PHF3: variants seen among roughly 807,000 people sequenced by gnomAD.
PHF3 encodes the protein PHD finger protein 3.
PHF3 carries 41 observed loss-of-function variants against 178.4 expected under a neutral mutation model. The ratio of observed to expected loss-of-function variants is 0.23; its 90% CI spans 0.18 to 0.30. The LOEUF (loss-of-function observed/expected upper bound fraction) is 0.30, where lower values mean the gene tolerates loss of function less well. PHF3 is among the 10% of genes least tolerant of loss of function. The probability of loss-of-function intolerance (pLI) is 1.00; values close to 1 mark genes in which losing one functional copy is unlikely to be tolerated. For synonymous variants in PHF3, 842 were observed against 800.5 expected (o/e 1.05, Z -0.88); for missense variants, 2,346 against 2,398.1 (o/e 0.98, Z 0.45).
Position 63,674,701 on chromosome 6 carries a change from A to G in PHF3, c.245-5299A>G, listed in dbSNP as rs561268279. ...TTACTATACTTAACACAGCCCCTAT[A>G]AAGTAGATATCTATTCTTTATTGTT... On this transcript the variant is annotated intron_variant, in intron 2 of 15. Coordinates refer to ENST00000262043, the MANE Select transcript of PHF3 (RefSeq NM_001370348.2). 7.9e-5 allele frequency among the ~76,000 whole-genome samples: 12 copies of G among 152,264 alleles called. No homozygotes were observed. In the East Asian group the frequency reaches 1.6e-3, roughly 20 times the overall value.
Position 63,645,029 on chromosome 6 carries a change from C to T in PHF3, c.-25-1498C>T, listed in dbSNP as rs138842787. On this transcript the variant is annotated intron_variant, in intron 1 of 15. Coordinates refer to ENST00000262043, the MANE Select transcript of PHF3 (RefSeq NM_001370348.2). ...CCGAGTGACTGGGTCTACAGGCACA[C>T]GTCACCACACCTGGCTAATTTTTGT... Among the ~76,000 whole-genome samples the T allele has an allele frequency of 1.2e-3, 186 of 151,562 alleles. 2 individuals are homozygous for T. The highest frequency in any genetic ancestry group is 4.3e-3 in the African/African-American group (176 of 41,372).
At chr6:63,664,558 T>C (rs1347419950) in intron 2 of PHF3, among the ~76,000 whole-genome samples, 1 of 152,214 alleles carries the variant, frequency 6.6e-6, no homozygotes, top group East Asian at 1.9e-4. Flanking sequence ...TGTATTAATG[T>C]ATTTTGTATA....
At chr6:63,656,259 T>G (rs1194841587) in intron 2 of PHF3, among the ~76,000 whole-genome samples, 1 of 152,252 alleles carries the variant, frequency 6.6e-6, no homozygotes, top group Admixed American at 6.5e-5. Flanking sequence ...ATATCTTAGT[T>G]GTACTTTGCA....
At position 63,706,178 on chromosome 6, in the gene PHF3, G is replaced by A. The variant is rs757786791; in HGVS notation, c.3517G>A (p.Glu1173Lys). The change falls in exon 12 of 16, where the codon GAG (glutamate) becomes AAG (lysine). Residue 1173 changes from glutamate to lysine, a missense_variant. Transcript: ENST00000262043. ...TATTTTGGCTTCTGAATTCTTTGAG[G>A]AGGAGAAACAGGAGTCTCCAAAGTC... ...SNILASEFFE[E>K]EKQESPKSTF... 25 of 1,613,852 alleles carry A rather than the reference G, an allele frequency of 1.5e-5. No homozygotes were observed. Among genetic ancestry groups the A allele is most frequent in the African/African-American group, 2.7e-5 (2 of 74,902 alleles).
Position 63,692,055 on chromosome 6 carries a change from A to T in PHF3, c.2496+12A>T. 1 of 1,572,408 alleles carries T rather than the reference A, an allele frequency of 6.4e-7. No individual in the cohort carries two copies. ...AAATTTTAAAACGGGTGAGCTCTTCATTAATGCATTATTTTGTTTATTTAA... is the reference window on the plus strand; with the variant it reads ...AAATTTTAAAACGGGTGAGCTCTTCTTTAATGCATTATTTTGTTTATTTAA... On this transcript the variant is annotated intron_variant, in intron 5 of 15. Coordinates refer to ENST00000262043, the MANE Select transcript of PHF3 (RefSeq NM_001370348.2).
chr6:63,643,051 GATT>G (rs984310578), intron 1 of PHF3, among the ~76,000 whole-genome samples: 6 of 151,786 alleles, frequency 4.0e-5, no homozygotes, highest in African/African-American at 9.7e-5. Flanking sequence ...TCAGAACAGA[GATT>G]ATTATTATTG....
At position 63,694,572 on chromosome 6, in the gene PHF3, A is replaced by G. The variant is rs145191399; in HGVS notation, c.2497-9A>G. 367 of 1,450,268 alleles carry G rather than the reference A, an allele frequency of 2.5e-4. 1 individual carries two copies. In the East Asian group the frequency reaches 8.9e-3, roughly 35 times the overall value. The allele number at this position is 1,450,268 out of a possible 1,614,324, so 89.8% of individuals were successfully genotyped here. On this transcript the variant is annotated splice_polypyrimidine_tract_variant and intron_variant, in intron 5 of 15. Coordinates refer to ENST00000262043, the MANE Select transcript of PHF3 (RefSeq NM_001370348.2). Reference sequence around the variant, plus strand: ...TTTCATTCTAATGAATTAAGTACTCATTTTCCAGGAGTCTGGTGAAGGCAG... The same window carrying G: ...TTTCATTCTAATGAATTAAGTACTCGTTTTCCAGGAGTCTGGTGAAGGCAG...
intron 4 of PHF3, among the ~76,000 whole-genome samples, chr6:63,687,373 G>A (rs1247472193): frequency 6.6e-6 from 1 of 152,196 alleles, no homozygotes; most frequent in Non-Finnish European, 1.5e-5. Flanking sequence ...GCAGTGAGCC[G>A]ACATTGAGCC....
At chr6:63,704,119 T>C (rs566480134) in intron 11 of PHF3, among the ~76,000 whole-genome samples, 6 of 152,256 alleles carry the variant, frequency 3.9e-5, no homozygotes, top group African/African-American at 1.4e-4. Context: ...CATAGCAAAA[T>C]TGGGAGGAAG....
chr6:63,667,948 A>G (rs758734529), intron 2 of PHF3, among the ~76,000 whole-genome samples: 23 of 152,210 alleles, frequency 1.5e-4, no homozygotes, highest in Admixed American at 3.3e-4. Context: ...TAAGGTAGTG[A>G]GAGCAAAATC....
At position 63,713,940 on chromosome 6, in the gene PHF3, T is replaced by C. The variant is rs1241500159; in HGVS notation, c.*232T>C. ...AGGAATTTAATATTTTTAAAAGTTTTACATTGCTGTATATTCAAAGATTTG... is the reference window on the plus strand; with the variant it reads ...AGGAATTTAATATTTTTAAAAGTTTCACATTGCTGTATATTCAAAGATTTG... On this transcript the variant is annotated 3_prime_UTR_variant, in exon 16 of 16. Coordinates refer to ENST00000262043, the MANE Select transcript of PHF3 (RefSeq NM_001370348.2). The C allele has an allele frequency of 5.3e-6, 2 of 375,882 alleles. No individual in the cohort carries two copies. The highest frequency in any genetic ancestry group is 2.1e-5 in the African/African-American group (1 of 47,830). 23.3% of individuals were successfully genotyped at this position (375,882 alleles called of 1,614,324 possible). A position where few individuals can be genotyped will look rare whatever the true frequency, so the allele number is the denominator to read the frequency against.
chr6:63,658,131 G>C (rs914703104), intron 2 of PHF3, among the ~76,000 whole-genome samples: 21 of 152,150 alleles, frequency 1.4e-4, no homozygotes, highest in Non-Finnish European at 1.5e-5. Context: ...AAGGCTTTCA[G>C]TTAATCCTTA....
At chr6:63,654,044 C>G (rs988912600) in intron 2 of PHF3, among the ~76,000 whole-genome samples, 2 of 151,986 alleles carry the variant, frequency 1.3e-5, no homozygotes, top group African/African-American at 2.4e-5. Context: ...AGGATTTTTG[C>G]ATTTATATTA....
At chr6:63,708,556 A>G (rs1477507128) in intron 13 of PHF3, among the ~76,000 whole-genome samples, 3 of 152,218 alleles carry the variant, frequency 2.0e-5, no homozygotes, top group Non-Finnish European at 2.9e-5. Flanking sequence ...TTATGTTTTT[A>G]TGATTTTCCT....
Position 63,725,602 on chromosome 6 carries a change from C to A in PHF3, c.*11894C>A, listed in dbSNP as rs1252238840. Among the ~76,000 whole-genome samples, 1 of 152,038 alleles carries A rather than the reference C, an allele frequency of 6.6e-6. No homozygotes were observed. Among genetic ancestry groups the A allele is most frequent in the Admixed American group, 6.6e-5 (1 of 15,258 alleles). ...CCAAATATCTCAGGAGAACAAATTT[C>A]TTCTGAGCTGTATTTTATAGCTCAA... On this transcript the variant is annotated 3_prime_UTR_variant, in exon 16 of 16. Coordinates refer to ENST00000262043, the MANE Select transcript of PHF3 (RefSeq NM_001370348.2).
chr6:63,644,887 ATTTT>A (rs56713654), intron 1 of PHF3, among the ~76,000 whole-genome samples: 2 of 135,298 alleles, frequency 1.5e-5, no homozygotes. Flanking sequence ...AATTTGTTGG[ATTTT>A]TTTTTTTTTT....
intron 2 of PHF3, among the ~76,000 whole-genome samples, chr6:63,663,978 C>G (rs1304157560): frequency 6.6e-6 from 1 of 152,120 alleles, no homozygotes; most frequent in East Asian, 1.9e-4. Flanking sequence ...TTGGCCACAC[C>G]TTAGTAACCT....
At chr6:63,649,342 A>C (rs922682961) in intron 2 of PHF3, among the ~76,000 whole-genome samples, 1 of 152,186 alleles carries the variant, frequency 6.6e-6, no homozygotes, top group Non-Finnish European at 1.5e-5. Flanking sequence ...AAAACAACAT[A>C]GTTCTTGCCC....
chr6:63,669,294 G>C (rs1765808589), intron 2 of PHF3, among the ~76,000 whole-genome samples: 1 of 152,152 alleles, frequency 6.6e-6, no homozygotes, highest in African/African-American at 2.4e-5. Context: ...TGATTTAGTA[G>C]TCTTGGGAAA....
Sources: allele counts gnomAD v4.1 joint callset (sites outside exome capture counted in the v4.1 genomes callset), GRCh38; gene constraint gnomAD v4.1.1; transcripts MANE v1.5; gene names NCBI Gene and HGNC (gene_info 2026-07-23, HGNC 2026-07-21).